Variants in DCDC2C observed in about 807,000 individuals in gnomAD.
DCDC2C encodes doublecortin domain-containing protein 2C.
In DCDC2C, 44 loss-of-function variants were observed where a neutral mutation model predicts 45.0. The observed-to-expected ratio is 0.98, with a 90% CI of 0.77 to 1.26. The LOEUF (loss-of-function observed/expected upper bound fraction) is 1.26, where lower values mean the gene tolerates loss of function less well. Among genes scored for constraint, DCDC2C ranks in the 50% most tolerant of loss-of-function variants. The pLI is 0.00. For missense variants in DCDC2C, 447 were observed against 468.9 expected (o/e 0.95, Z 0.43); for synonymous variants, 187 against 178.8 (o/e 1.05, Z -0.37).
rs1572576924 is a variant in DCDC2C at position 3,742,008 on chromosome 2, A to AC, written c.506dup (p.Ile170AspfsTer56). The AC allele has an allele frequency of 1.3e-6, 2 of 1,548,354 alleles. No homozygotes were observed. The highest frequency in any genetic ancestry group is 4.9e-5 in the East Asian group (2 of 40,870). ...GTCCGATTGGGACATCGTGCTGGCCACGATCGGAGAAAAAGTCTTCCCTCT... is the reference window on the plus strand; with the variant it reads ...GTCCGATTGGGACATCGTGCTGGCCACCGATCGGAGAAAAAGTCTTCCCTCT... On this transcript the variant is annotated frameshift_variant, in exon 4 of 11. Transcript: ENST00000399143. LOFTEE classifies it high-confidence loss of function.
chr2:3,798,705 C>G (rs201883247), intron 10 of DCDC2C, among the ~76,000 whole-genome samples: 1 of 149,860 alleles, frequency 6.7e-6, no homozygotes, highest in African/African-American at 2.5e-5. Context: ...GGCCCCCACT[C>G]TCTTCTGGCT....
intron 10 of DCDC2C, among the ~76,000 whole-genome samples, chr2:3,805,618 T>G (rs1383960312): frequency 6.6e-6 from 1 of 152,230 alleles, no homozygotes; most frequent in Admixed American, 6.5e-5. Context: ...ACAGCGTATT[T>G]TATGACATTT....
Position 3,734,385 on chromosome 2 carries a change from C to G in DCDC2C, c.416+7306C>G, listed in dbSNP as rs1668961626. 6.6e-6 allele frequency among the ~76,000 whole-genome samples: 1 copy of G among 152,150 alleles called. No homozygotes were observed. The highest frequency in any genetic ancestry group is 1.5e-5 in the Non-Finnish European group (1 of 68,042). On this transcript the variant is annotated intron_variant, in intron 3 of 10. Coordinates refer to ENST00000399143, the MANE Select transcript of DCDC2C (RefSeq NM_001287444.2). This position sits in a 1 kb window ranked among gnomAD's most constrained non-coding sequence, Gnocchi z 4.2. ...AGATCTACTTAGGGCAGAGGGGTTT[C>G]TGATGAATCTAATCTAGGATGAGAC...
intron 10 of DCDC2C, among the ~76,000 whole-genome samples, chr2:3,795,147 G>T (rs977427819): frequency 2.0e-5 from 3 of 151,376 alleles, no homozygotes; most frequent in African/African-American, 7.3e-5. Flanking sequence ...GTGTTTTTTG[G>T]CTGCATAAAT....
intron 6 of DCDC2C, among the ~76,000 whole-genome samples, chr2:3,759,146 G>A (rs1392306824): frequency 6.6e-6 from 1 of 152,170 alleles, no homozygotes; most frequent in Non-Finnish European, 1.5e-5. Flanking sequence ...TGAGGGCGGG[G>A]CATCCTTCCC....
At chr2:3,802,230 A>C (rs1671131990) in intron 10 of DCDC2C, among the ~76,000 whole-genome samples, 1 of 152,222 alleles carries the variant, frequency 6.6e-6, no homozygotes, top group Admixed American at 6.5e-5. Flanking sequence ...GGGTTGCTGT[A>C]AGTAAATAAA....
At chr2:3,799,098 C>T (rs1321206971) in intron 10 of DCDC2C, among the ~76,000 whole-genome samples, 2 of 151,956 alleles carry the variant, frequency 1.3e-5, no homozygotes, top group Admixed American at 6.6e-5. Context: ...CTAAACTTCC[C>T]TTCTCACTTT....
chr2:3,713,915 G>C (rs1668283957), intron 2 of DCDC2C, among the ~76,000 whole-genome samples: 1 of 152,174 alleles, frequency 6.6e-6, no homozygotes, highest in African/African-American at 2.4e-5. Context: ...CCAAATTTGA[G>C]ATCCATGATT....
Position 3,761,388 on chromosome 2 carries a change from CGT to C in DCDC2C, c.727-6356_727-6355del, listed in dbSNP as rs543038047. ...AATTAAGGAGGTGCGTGTGTGTGTGCGTGTGTGTGTGCGTGAAAACAGTTGCA... is the reference window on the plus strand; with the variant it reads ...AATTAAGGAGGTGCGTGTGTGTGTGCGTGTGTGTGCGTGAAAACAGTTGCA... On this transcript the variant is annotated intron_variant, in intron 6 of 10. Transcript: ENST00000399143. This position sits in a 1 kb window ranked among gnomAD's most constrained non-coding sequence, Gnocchi z 4.3. Among the ~76,000 whole-genome samples, 4 of 151,958 alleles carry C rather than the reference CGT, an allele frequency of 2.6e-5. No homozygotes were observed. In the South Asian group the frequency reaches 6.2e-4, roughly 24 times the overall value.
chr2:3,797,030 A>C lies in DCDC2C; in HGVS notation c.1065+11930A>C, dbSNP rs199787732. On this transcript the variant is annotated intron_variant, in intron 10 of 10. Coordinates refer to ENST00000399143, the MANE Select transcript of DCDC2C (RefSeq NM_001287444.2). ...CTTTTTGGTTGGTAAGCTATTGATT[A>C]TTGCCACAATTTCAGCTTCTGTTAT... Among the ~76,000 whole-genome samples the C allele has an allele frequency of 1.6e-4, 24 of 152,338 alleles. No homozygotes were observed. The East Asian group carries it at 4.4e-3, about 28-fold the overall frequency.
intron 10 of DCDC2C, among the ~76,000 whole-genome samples, chr2:3,801,428 T>C (rs939108998): frequency 6.6e-6 from 1 of 152,238 alleles, no homozygotes; most frequent in Non-Finnish European, 1.5e-5. Context: ...AAGAACTCAG[T>C]CATCATTAGC....
At chr2:3,783,438 C>T (rs1376260044) in intron 9 of DCDC2C, among the ~76,000 whole-genome samples, 1 of 152,236 alleles carries the variant, frequency 6.6e-6, no homozygotes, top group East Asian at 1.9e-4. Context: ...GGGAGCATCT[C>T]TTCCTCCACT....
chr2:3,798,507 A>G (rs1671023185), intron 10 of DCDC2C, among the ~76,000 whole-genome samples: 1 of 150,814 alleles, frequency 6.6e-6, no homozygotes. Flanking sequence ...AGCGGCTGGT[A>G]CCGGTTGTTC....
At chr2:3,799,079 C>A (rs1489560387) in intron 10 of DCDC2C, among the ~76,000 whole-genome samples, 1 of 152,120 alleles carries the variant, frequency 6.6e-6, no homozygotes, top group East Asian at 1.9e-4. Flanking sequence ...TCTTTTTATT[C>A]TTTTTTCTCT....
intron 10 of DCDC2C, among the ~76,000 whole-genome samples, chr2:3,804,947 A>G (rs772955010): frequency 3.3e-5 from 5 of 152,258 alleles, no homozygotes; most frequent in Non-Finnish European, 5.9e-5. Context: ...CCTTAGAAAT[A>G]TAAACTAAAG....
chr2:3,790,612 T>C (rs915174305), intron 10 of DCDC2C, among the ~76,000 whole-genome samples: 1 of 152,188 alleles, frequency 6.6e-6, no homozygotes, highest in Non-Finnish European at 1.5e-5. Flanking sequence ...TTTTTAAAAT[T>C]AATCGCCTGC....
chr2:3,793,877 T>C (rs1422076737), intron 10 of DCDC2C, among the ~76,000 whole-genome samples: 1 of 152,210 alleles, frequency 6.6e-6, no homozygotes, highest in Non-Finnish European at 1.5e-5. Flanking sequence ...AGCATGTTTT[T>C]AATGCAGTCT....
intron 8 of DCDC2C, among the ~76,000 whole-genome samples, chr2:3,773,247 T>G (rs200515977): frequency 2.4e-5 from 1 of 42,152 alleles, no homozygotes; most frequent in Non-Finnish European, 5.1e-5. Context: ...AACGACCCCC[T>G]GTTTTTTTTC....
chr2:3,843,112 TAGC>T (rs1672254080), intron 10 of DCDC2C, among the ~76,000 whole-genome samples: 2 of 152,178 alleles, frequency 1.3e-5, no homozygotes, highest in East Asian at 3.8e-4. Context: ...GTGGCTGTGA[TAGC>T]AGGGGGAGAA....
Sources: gnomAD v4.1 joint callset for allele counts (sites outside exome capture counted in the v4.1 genomes callset) on GRCh38, gnomAD v4.1.1 for gene constraint, Gnocchi (gnomAD v3.1) non-coding constraint, MANE v1.5 for transcripts, NCBI Gene and HGNC (gene_info 2026-07-23, HGNC 2026-07-21) for gene names.